The following ARHGAP10 variants were observed in gnomAD, a reference collection of about 807,000 sequenced individuals.
ARHGAP10 encodes rho GTPase-activating protein 10.
In ARHGAP10, 87 loss-of-function variants were observed where a neutral mutation model predicts 108.6. The observed-to-expected ratio is 0.80, with a 90% CI of 0.67 to 0.96. ARHGAP10 has a LOEUF of 0.96. ARHGAP10 is among the 40% of genes least tolerant of loss of function. ARHGAP10 has a pLI of 0.00. For missense variants in ARHGAP10, 939 were observed against 954.5 expected, an observed-to-expected ratio of 0.98 and a Z score of 0.21; for synonymous variants, 347 against 341.1, an observed-to-expected ratio of 1.02 and a Z score of -0.19.
At chr4:147,777,883 C>T (rs1051774027) in intron 1 of ARHGAP10, among the ~76,000 whole-genome samples, 1 of 152,148 alleles carries the variant, frequency 6.6e-6, no homozygotes, top group Non-Finnish European at 1.5e-5. Flanking sequence ...TAAAGACACT[C>T]TTTCCTATAG....
At chr4:147,882,623 T>G (rs1735374757) in intron 10 of ARHGAP10, among the ~76,000 whole-genome samples, 5 of 150,646 alleles carry the variant, frequency 3.3e-5, no homozygotes, top group South Asian at 2.1e-4. Context: ...TGTGGGGGGG[T>G]TTTCAGTGTC....
chr4:148,057,930 A>G (rs1358600633), intron 20 of ARHGAP10, among the ~76,000 whole-genome samples: 1 of 152,200 alleles, frequency 6.6e-6, no homozygotes, highest in Non-Finnish European at 1.5e-5. Context: ...ATGGGCAGCA[A>G]AGTCCTTCTC....
chr4:147,886,763 G>GATTTCT (rs1235021863), intron 10 of ARHGAP10, among the ~76,000 whole-genome samples: 1 of 152,044 alleles, frequency 6.6e-6, no homozygotes, highest in African/African-American at 2.4e-5. Context: ...ATCATACTGT[G>GATTTCT]TTTTCTTTTT....
chr4:147,920,248 C>A (rs1737180333), intron 13 of ARHGAP10, among the ~76,000 whole-genome samples: 3 of 151,804 alleles, frequency 2.0e-5, no homozygotes, highest in Admixed American at 2.0e-4. Context: ...GAAACCCTGG[C>A]TCTACCAAAA....
chr4:147,970,793 T>C lies in ARHGAP10; in HGVS notation c.1716+3954T>C, dbSNP rs1299891619. ...CATATGTTTTAGCTTTATTTACACA[T>C]AATAAAGATGTAGACTGAGCATGGT... On this transcript the variant is annotated intron_variant, in intron 18 of 22. Coordinates refer to ENST00000336498, the MANE Select transcript of ARHGAP10 (RefSeq NM_024605.4). 3.9e-5 allele frequency among the ~76,000 whole-genome samples: 6 copies of C among 152,248 alleles called. No individual in the cohort carries two copies. In the East Asian group the frequency reaches 1.2e-3, roughly 29 times the overall value.
intron 1 of ARHGAP10, among the ~76,000 whole-genome samples, chr4:147,805,406 A>G (rs1731743196): frequency 6.6e-6 from 1 of 152,190 alleles, no homozygotes; most frequent in South Asian, 2.1e-4. Flanking sequence ...AGGAAATGTG[A>G]TACCTCCAGC....
chr4:148,048,523 A>G (rs150378269), intron 20 of ARHGAP10, among the ~76,000 whole-genome samples: 1 of 152,306 alleles, frequency 6.6e-6, no homozygotes, highest in African/African-American at 2.4e-5. Flanking sequence ...CTTTTCCACA[A>G]TAAAAATTCT....
intron 13 of ARHGAP10, among the ~76,000 whole-genome samples, chr4:147,939,434 C>G (rs999590468): frequency 6.6e-6 from 1 of 152,194 alleles, no homozygotes; most frequent in Non-Finnish European, 1.5e-5. Flanking sequence ...TTTCTATGTA[C>G]TAATCATCAC....
chr4:147,984,557 G>C (rs951394490), intron 18 of ARHGAP10, among the ~76,000 whole-genome samples: 3 of 152,218 alleles, frequency 2.0e-5, no homozygotes, highest in African/African-American at 7.2e-5. Flanking sequence ...AGATCTGGCT[G>C]TTTTCACTGG....
chr4:147,752,876 T>G (rs534009414), intron 1 of ARHGAP10, among the ~76,000 whole-genome samples: 1 of 152,348 alleles, frequency 6.6e-6, no homozygotes, highest in South Asian at 2.1e-4. Flanking sequence ...TTGCTGCTTA[T>G]CTCATGCCTG....
At chr4:147,992,020 A>G (rs1198993418) in intron 18 of ARHGAP10, among the ~76,000 whole-genome samples, 1 of 152,252 alleles carries the variant, frequency 6.6e-6, no homozygotes, top group Non-Finnish European at 1.5e-5. Flanking sequence ...CTGGGAATCC[A>G]GAAGAATGTG....
At chr4:147,809,505 A>C (rs369406374) in intron 1 of ARHGAP10, among the ~76,000 whole-genome samples, 1 of 152,134 alleles carries the variant, frequency 6.6e-6, no homozygotes, top group Non-Finnish European at 1.5e-5. Flanking sequence ...GTAAACTCCA[A>C]TATTGGTTCT....
At chr4:147,866,899 A>G (rs1472217076) in intron 7 of ARHGAP10, 83 bp downstream of exon 7, 4 of 1,155,172 alleles carry the variant, frequency 3.5e-6, no homozygotes, top group Non-Finnish European at 5.0e-6. Flanking sequence ...CCTTAATTAA[A>G]TGAAGACAAT....
chr4:147,776,926 G>GTCCTACGAGAGAGCGTGTCTTTCCT (rs1730318859), intron 1 of ARHGAP10, among the ~76,000 whole-genome samples: 1 of 152,200 alleles, frequency 6.6e-6, no homozygotes, highest in Non-Finnish European at 1.5e-5. Flanking sequence ...GGTGGGCTCT[G>GTCCTACGAGAGAGCGTGTCTTTCCT]TCCTACGAGA....
intron 1 of ARHGAP10, among the ~76,000 whole-genome samples, chr4:147,742,476 CTTTTTTT>C (rs11420720): frequency 2.3e-5 from 2 of 86,494 alleles, no homozygotes; most frequent in Non-Finnish European, 2.0e-5. Context: ...TCTGTGAACA[CTTTTTTT>C]TTTTTTTTTT....
intron 8 of ARHGAP10, among the ~76,000 whole-genome samples, chr4:147,875,877 T>G (rs907556150): frequency 1.3e-5 from 2 of 152,226 alleles, no homozygotes; most frequent in African/African-American, 4.8e-5. Context: ...AACAGCTAAG[T>G]TCTTAACGTT....
intron 13 of ARHGAP10, among the ~76,000 whole-genome samples, chr4:147,916,371 G>A (rs145549080): frequency 9.2e-5 from 14 of 152,234 alleles, no homozygotes; most frequent in African/African-American, 3.1e-4. Context: ...ACTATTTTAT[G>A]GCATTTTTCT....
chr4:147,925,543 A>G (rs1038202820), intron 13 of ARHGAP10, among the ~76,000 whole-genome samples: 1 of 152,140 alleles, frequency 6.6e-6, no homozygotes, highest in African/African-American at 2.4e-5. Context: ...ATACTTACCT[A>G]TGCCTGGGCA....
chr4:147,890,522 C>G (rs1268343838), intron 10 of ARHGAP10, among the ~76,000 whole-genome samples: 1 of 152,122 alleles, frequency 6.6e-6, no homozygotes, highest in South Asian at 2.1e-4. Context: ...AGACATTTCT[C>G]CAAAGAAAAT....
Sources: gnomAD v4.1 joint callset for allele counts (sites outside exome capture counted in the v4.1 genomes callset) on GRCh38, gnomAD v4.1.1 for gene constraint, MANE v1.5 for transcripts, NCBI Gene and HGNC (gene_info 2026-07-23, HGNC 2026-07-21) for gene names.